The following DLGAP1 variants were observed in gnomAD, a reference collection of about 807,000 sequenced individuals.
The protein encoded by DLGAP1 is DLG associated protein 1.
In DLGAP1, 11 loss-of-function variants were observed where a neutral mutation model predicts 90.8. The observed-to-expected ratio is 0.12, with a 90% CI of 0.08 to 0.20. The LOEUF is 0.20. DLGAP1 is among the 10% of genes least tolerant of loss of function. DLGAP1 has a pLI of 1.00. For missense variants in DLGAP1, 1,050 were observed against 1,333.8 expected, an observed-to-expected ratio of 0.79 and a Z score of 3.31; for synonymous variants, 558 against 540.7, an observed-to-expected ratio of 1.03 and a Z score of -0.44.
At chr18:3,890,820 C>G (rs75296418) in intron 3 of DLGAP1, among the ~76,000 whole-genome samples, 6,611 of 152,212 alleles carry the variant, frequency 0.043, 396 homozygotes, top group African/African-American at 0.13. Flanking sequence ...ACTTGAACTC[C>G]TGGGCGCAAG....
chr18:3,607,746 TTC>T (rs1220879218), intron 7 of DLGAP1: 2 of 152,146 alleles, frequency 1.3e-5, no homozygotes, highest in Non-Finnish European at 2.9e-5. Context: ...CTCATAACCA[TTC>T]TCTCTATCCT....
rs1262659710 is a variant in DLGAP1, at chr18:3,496,115, C to T, written c.*3070G>A. ...TATTTACAATATTTTTTTGTTCACA[C>T]ACAATCTAGGTAAATAAGCCTATGA... On this transcript the variant is annotated 3_prime_UTR_variant, in exon 13 of 13. Coordinates refer to ENST00000315677, the MANE Select transcript of DLGAP1 (RefSeq NM_004746.4). The T allele has an allele frequency of 6.6e-6, 1 of 152,146 alleles. No homozygotes were observed. The highest frequency in any genetic ancestry group is 1.5e-5 in the Non-Finnish European group (1 of 68,020). 9.4% of individuals were successfully genotyped at this position (152,146 alleles called of 1,614,324 possible). A position where few individuals can be genotyped will look rare whatever the true frequency, so the allele number is the denominator to read the frequency against.
intron 4 of DLGAP1, among the ~76,000 whole-genome samples, chr18:3,824,747 T>A (rs2067616498): frequency 6.6e-6 from 1 of 152,324 alleles, no homozygotes; most frequent in South Asian, 2.1e-4. Flanking sequence ...ATCATCTGAT[T>A]CCCACTGCAT....
At chr18:3,731,551 G>A (rs909587297) in intron 6 of DLGAP1, among the ~76,000 whole-genome samples, 1 of 149,168 alleles carries the variant, frequency 6.7e-6, no homozygotes, top group South Asian at 2.1e-4. Flanking sequence ...GGGACCACAG[G>A]TACGCACCAC....
chr18:4,267,281 C>T (rs1480002663), intron 1 of DLGAP1, among the ~76,000 whole-genome samples: 1 of 152,166 alleles, frequency 6.6e-6, no homozygotes, highest in Non-Finnish European at 1.5e-5. Context: ...CTTACCTGCC[C>T]ACCTGTGCAC....
At chr18:3,500,097 T>C (rs139677459) in intron 12 of DLGAP1, among the ~76,000 whole-genome samples, 13 of 152,228 alleles carry the variant, frequency 8.5e-5, no homozygotes, top group African/African-American at 3.1e-4. Context: ...ACTAGGGGCC[T>C]CGGGATAACT....
intron 5 of DLGAP1, among the ~76,000 whole-genome samples, chr18:3,796,391 A>C (rs963875595): frequency 1.3e-5 from 2 of 152,234 alleles, no homozygotes; most frequent in Non-Finnish European, 2.9e-5. Flanking sequence ...TCCGGTATAC[A>C]AAGGGGCTGT....
chr18:4,172,402 A>C (rs2077040075), intron 1 of DLGAP1, among the ~76,000 whole-genome samples: 1 of 152,204 alleles, frequency 6.6e-6, no homozygotes, highest in Admixed American at 6.5e-5. Flanking sequence ...TGTCTTGTAC[A>C]CAGGCAACTT....
At chr18:4,163,867 T>G (rs1239339965) in intron 1 of DLGAP1, among the ~76,000 whole-genome samples, 1 of 152,204 alleles carries the variant, frequency 6.6e-6, no homozygotes, top group Non-Finnish European at 1.5e-5. Flanking sequence ...ATTATTCAAA[T>G]TTCCCTTCAT....
intron 5 of DLGAP1, among the ~76,000 whole-genome samples, chr18:3,764,975 G>A (rs1373985092): frequency 6.6e-6 from 1 of 152,104 alleles, no homozygotes; most frequent in African/African-American, 2.4e-5. Flanking sequence ...CTCAGTGGGT[G>A]CCAGAGGTGT....
intron 1 of DLGAP1, chr18:4,430,459 T>C (rs1194409493): frequency 6.6e-6 from 1 of 151,320 alleles, no homozygotes; most frequent in East Asian, 1.9e-4. Context: ...GATTCTTTGA[T>C]AGGAAATCCC....
chr18:3,821,855 T>C (rs1476629731), intron 4 of DLGAP1: 1 of 959,364 alleles, frequency 1.0e-6, no homozygotes, highest in South Asian at 4.8e-5. Context: ...GTTGGCCTTC[T>C]AAGCACTTTT....
At position 4,060,899 on chromosome 18, in the gene DLGAP1, A is replaced by G. The variant is rs539763397; in HGVS notation, c.-158-55698T>C. ...AGTCATGAGAAAATTCATGAAAGGA[A>G]ATTTATGAAAGAAATGTGGTAAAAT... On this transcript the variant is annotated intron_variant, in intron 2 of 12. Coordinates refer to ENST00000315677, the MANE Select transcript of DLGAP1 (RefSeq NM_004746.4). 1.4e-3 allele frequency among the ~76,000 whole-genome samples: 216 copies of G among 152,310 alleles called. 1 individual carries two copies. Among genetic ancestry groups the G allele is most frequent in the African/African-American group, 4.9e-3 (202 of 41,558 alleles).
At chr18:4,294,473 T>A (rs1345645995) in intron 1 of DLGAP1, 3 of 152,242 alleles carry the variant, frequency 2.0e-5, no homozygotes, top group African/African-American at 7.2e-5. Context: ...GGTATGGCTC[T>A]CTTCTTGGCT....
intron 2 of DLGAP1, among the ~76,000 whole-genome samples, chr18:4,064,870 A>C (rs1277409443): frequency 6.6e-6 from 1 of 152,164 alleles, no homozygotes; most frequent in South Asian, 2.1e-4. Context: ...GCAAAGATAC[A>C]ACAAAAAAAG....
intron 1 of DLGAP1, among the ~76,000 whole-genome samples, chr18:4,204,768 T>G (rs1367875959): frequency 6.6e-6 from 1 of 152,166 alleles, no homozygotes; most frequent in Non-Finnish European, 1.5e-5. Context: ...TAAAGGGACA[T>G]GTTGGATGTT....
rs1568278166 is a variant in DLGAP1 at position 3,600,793 on chromosome 18, G to GATATATAGAT, written c.1592-18555_1592-18546dup. On this transcript the variant is annotated intron_variant, in intron 7 of 12. Coordinates refer to ENST00000315677, the MANE Select transcript of DLGAP1 (RefSeq NM_004746.4). ...ATATATAGATATATAGATATATATA[G>GATATATAGAT]ATATATAGATATATAGATATATATA... Among the ~76,000 whole-genome samples, 9 of 29,186 alleles carry GATATATAGAT rather than the reference G, an allele frequency of 3.1e-4. 2 individuals carry two copies. Among genetic ancestry groups the GATATATAGAT allele is most frequent in the African/African-American group, 1.2e-3 (7 of 5,666 alleles). The allele number at this position is 29,186 out of a possible 152,430, so 19.1% of individuals were successfully genotyped here. A position where few individuals can be genotyped will look rare whatever the true frequency, so the allele number is the denominator to read the frequency against.
At chr18:3,505,360 C>T (rs1234517707) in intron 11 of DLGAP1, among the ~76,000 whole-genome samples, 1 of 152,202 alleles carries the variant, frequency 6.6e-6, no homozygotes, top group South Asian at 2.1e-4. Context: ...ACTATCGGGC[C>T]GGGCGAGTTG....
At chr18:4,366,250 G>A (rs1168680415) in intron 1 of DLGAP1, among the ~76,000 whole-genome samples, 1 of 152,046 alleles carries the variant, frequency 6.6e-6, no homozygotes, top group Non-Finnish European at 1.5e-5. Context: ...GTTTTTAGGT[G>A]TAAATAAATC....
Sources: allele counts gnomAD v4.1 joint callset (sites outside exome capture counted in the v4.1 genomes callset), GRCh38; gene constraint gnomAD v4.1.1; transcripts MANE v1.5; gene names NCBI Gene and HGNC (gene_info 2026-07-23, HGNC 2026-07-21).